The following TNFSF4 variants were observed in gnomAD, a reference collection of about 807,000 sequenced individuals.
The protein encoded by TNFSF4 is TNF superfamily member 4.
TNFSF4 carries 4 observed loss-of-function variants against 7.3 expected under a neutral mutation model. The ratio of observed to expected loss-of-function variants is 0.55; its 90% CI spans 0.27 to 1.25. TNFSF4 has a LOEUF of 1.25. Among genes scored for constraint, TNFSF4 ranks in the 50% most tolerant of loss-of-function variants. The probability of loss-of-function intolerance (pLI) is 0.12; values close to 1 mark genes in which losing one functional copy is unlikely to be tolerated. For missense variants in TNFSF4, 181 were observed against 208.8 expected, an observed-to-expected ratio of 0.87 and a Z score of 0.82; for synonymous variants, 76 against 83.7, an observed-to-expected ratio of 0.91 and a Z score of 0.50.
the TNFSF4 span, among the ~76,000 whole-genome samples, chr1:173,326,621 T>C: frequency 1.4e-4 from 21 of 152,096 alleles, no homozygotes; most frequent in Admixed American, 7.2e-4. Context: ...GAAAACCCCA[T>C]TGTCTCAGCC....
At chr1:173,191,525 C>G (rs1372071337) in intron 1 of TNFSF4, among the ~76,000 whole-genome samples, 2 of 152,124 alleles carry the variant, frequency 1.3e-5, no homozygotes, top group Admixed American at 6.5e-5. Flanking sequence ...CCACAGTGCC[C>G]AAGTCAAAGC....
chr1:173,364,542 G>C, the TNFSF4 span, among the ~76,000 whole-genome samples: 1 of 151,850 alleles, frequency 6.6e-6, no homozygotes, highest in Non-Finnish European at 1.5e-5. Context: ...TGTTACTTCT[G>C]TATTATAATT....
At chr1:173,360,011 G>A in the TNFSF4 span, among the ~76,000 whole-genome samples, 2 of 152,202 alleles carry the variant, frequency 1.3e-5, no homozygotes, top group African/African-American at 4.8e-5. Flanking sequence ...TGACCATAGG[G>A]TCAATATCTA....
Position 173,188,978 on chromosome 1 carries a change from G to T in TNFSF4, c.154-409C>A, listed in dbSNP as rs190087616. On this transcript the variant is annotated intron_variant, in intron 1 of 2. Coordinates refer to ENST00000281834, the MANE Select transcript of TNFSF4 (RefSeq NM_003326.5). ...TGACCTCAAGCAATCCTCTCACCCAGCCTCCCAAAGTGCTGGGATTACAGG... is the reference window on the plus strand; with the variant it reads ...TGACCTCAAGCAATCCTCTCACCCATCCTCCCAAAGTGCTGGGATTACAGG... Among the ~76,000 whole-genome samples the T allele has an allele frequency of 4.0e-3, 606 of 152,214 alleles. 4 individuals carry two copies. Among genetic ancestry groups the T allele is most frequent in the African/African-American group, 0.014 (581 of 41,522 alleles).
chr1:173,266,570 T>C, the TNFSF4 span, among the ~76,000 whole-genome samples: 1 of 152,112 alleles, frequency 6.6e-6, no homozygotes, highest in Non-Finnish European at 1.5e-5. Context: ...CCCATCCAAA[T>C]TGAGCTAGAT....
the TNFSF4 span, among the ~76,000 whole-genome samples, chr1:173,374,604 G>T: frequency 6.6e-6 from 1 of 152,148 alleles, no homozygotes; most frequent in African/African-American, 2.4e-5. Context: ...TCCTACAGCT[G>T]ATTCTGAGGA....
the TNFSF4 span, among the ~76,000 whole-genome samples, chr1:173,355,768 G>A: frequency 6.6e-6 from 1 of 152,302 alleles, no homozygotes; most frequent in Admixed American, 6.5e-5. Context: ...TATGCATGCT[G>A]GGGTACAGAT....
Position 173,184,209 on chromosome 1 carries a change from G to A in TNFSF4, c.*2307C>T, listed in dbSNP as rs1649128054. 1 of 152,214 alleles carries A rather than the reference G, an allele frequency of 6.6e-6. No homozygotes were observed. Among genetic ancestry groups the A allele is most frequent in the African/African-American group, 2.4e-5 (1 of 41,448 alleles). The allele number at this position is 152,214 out of a possible 1,614,324, so 9.4% of individuals were successfully genotyped here. ...AGAAATGGGAAATGACTTTCCCAAGGTTACATGGCTAGTTAGTGGCTAAGT... is the reference window on the plus strand; with the variant it reads ...AGAAATGGGAAATGACTTTCCCAAGATTACATGGCTAGTTAGTGGCTAAGT... On this transcript the variant is annotated 3_prime_UTR_variant, in exon 3 of 3. Coordinates refer to ENST00000281834, the MANE Select transcript of TNFSF4 (RefSeq NM_003326.5).
chr1:173,327,921 T>C, the TNFSF4 span, among the ~76,000 whole-genome samples: 1 of 152,100 alleles, frequency 6.6e-6, no homozygotes. Flanking sequence ...GTAAACTAGT[T>C]CAACCATTGT....
In TNFSF4 at chr1:173,207,005, G is replaced by T; in HGVS notation, c.153+19C>A. The stretch of plus-strand genomic sequence containing the variant: ...CAGCATGAGCTGGTGGGAAAACAGC[G>T]CCCAGTGGTGCATCTTACCTGAAGA... On this transcript the variant is annotated intron_variant, in intron 1 of 2. Transcript: ENST00000281834. The T allele has an allele frequency of 1.3e-6, 2 of 1,584,738 alleles. 1 individual carries two copies.
the TNFSF4 span, among the ~76,000 whole-genome samples, chr1:173,286,256 C>T: frequency 2.8e-4 from 42 of 152,126 alleles, no homozygotes; most frequent in Middle Eastern, 6.8e-3. Flanking sequence ...AATTGAGAAG[C>T]AAATTCTAAA....
chr1:173,364,630 T>C, the TNFSF4 span, among the ~76,000 whole-genome samples: 1 of 152,094 alleles, frequency 6.6e-6, no homozygotes, highest in Non-Finnish European at 1.5e-5. Flanking sequence ...CTATGTTGCA[T>C]GTATTTTGTT....
the TNFSF4 span, among the ~76,000 whole-genome samples, chr1:173,343,341 T>C: frequency 6.6e-6 from 1 of 152,090 alleles, no homozygotes; most frequent in Admixed American, 6.6e-5. Flanking sequence ...GACATGCAAG[T>C]CCTGAAGGAA....
chr1:173,423,754 C>T, the TNFSF4 span, among the ~76,000 whole-genome samples: 3 of 152,200 alleles, frequency 2.0e-5, no homozygotes, highest in Non-Finnish European at 4.4e-5. Context: ...TCTATGTCTG[C>T]CTTTAATATT....
At chr1:173,410,164 C>T in the TNFSF4 span, among the ~76,000 whole-genome samples, 26 of 152,004 alleles carry the variant, frequency 1.7e-4, 2 homozygotes, top group East Asian at 4.8e-3. Flanking sequence ...TACAGTGAGC[C>T]GTGATTGCAC....
At chr1:173,217,152 C>G in the TNFSF4 span, among the ~76,000 whole-genome samples, 6 of 152,208 alleles carry the variant, frequency 3.9e-5, no homozygotes, top group Non-Finnish European at 7.3e-5. Flanking sequence ...CAGGGTTATG[C>G]ATGTATGTGC....
chr1:173,244,516 C>G, the TNFSF4 span, among the ~76,000 whole-genome samples: 1 of 149,970 alleles, frequency 6.7e-6, no homozygotes, highest in African/African-American at 2.5e-5. Flanking sequence ...GTGGCGGGCG[C>G]CTGTAGTCCC....
the TNFSF4 span, among the ~76,000 whole-genome samples, chr1:173,248,324 C>A: frequency 2.3e-3 from 352 of 150,614 alleles, 1 homozygote; most frequent in African/African-American, 8.3e-3. Context: ...CCACTGCACT[C>A]CAGCCTAAAC....
At chr1:173,231,820 C>T in the TNFSF4 span, among the ~76,000 whole-genome samples, 5 of 152,076 alleles carry the variant, frequency 3.3e-5, no homozygotes, top group African/African-American at 7.2e-5. Flanking sequence ...ACACCAATAA[C>T]AGACAATCAG....
Sources: allele counts gnomAD v4.1 joint callset (sites outside exome capture counted in the v4.1 genomes callset), GRCh38; gene constraint gnomAD v4.1.1; transcripts MANE v1.5; gene names NCBI Gene and HGNC (gene_info 2026-07-23, HGNC 2026-07-21).